The following CNTNAP5 variants were observed in gnomAD, a reference collection of about 807,000 sequenced individuals.
CNTNAP5 encodes the protein contactin associated protein family member 5, also known as contactin-associated protein-like 5.
CNTNAP5 carries 72 observed loss-of-function variants against 150.2 expected under a neutral mutation model. The ratio of observed to expected loss-of-function variants is 0.48; its 90% CI spans 0.40 to 0.58. The LOEUF (loss-of-function observed/expected upper bound fraction) is 0.58. Among genes scored for constraint, CNTNAP5 ranks in the 20% least tolerant of loss-of-function variants. CNTNAP5 has a pLI of 0.00. For synonymous variants in CNTNAP5, 672 were observed against 619.8 expected (o/e 1.08, Z -1.25); for missense variants, 1,636 against 1,626.2 (o/e 1.01, Z -0.10).
chr2:124,487,575 A>G (rs897660772), intron 7 of CNTNAP5, among the ~76,000 whole-genome samples: 12 of 152,004 alleles, frequency 7.9e-5, no homozygotes, highest in Non-Finnish European at 1.6e-4. Context: ...TAAATGGAAG[A>G]TCCAGCAGCC....
chr2:124,593,405 G>A (rs373375098), intron 11 of CNTNAP5, among the ~76,000 whole-genome samples: 27,147 of 87,908 alleles, frequency 0.31, 4,170 homozygotes, highest in East Asian at 0.7. Context: ...TTGTTCTTGC[G>A]ATAGTTTACT....
intron 17 of CNTNAP5, among the ~76,000 whole-genome samples, chr2:124,784,348 G>C (rs1376656933): frequency 6.6e-6 from 1 of 152,102 alleles, no homozygotes; most frequent in Non-Finnish European, 1.5e-5. Context: ...GCTCAAGGAG[G>C]GTAAAAGGAA....
At chr2:124,033,566 C>T (rs890542393) in intron 1 of CNTNAP5, among the ~76,000 whole-genome samples, 12 of 152,106 alleles carry the variant, frequency 7.9e-5, no homozygotes, top group Admixed American at 2.6e-4. Context: ...TTCAGATGTA[C>T]GATAAAAGGG....
intron 19 of CNTNAP5, among the ~76,000 whole-genome samples, chr2:124,855,486 T>A (rs1025381438): frequency 8.5e-5 from 13 of 152,194 alleles, no homozygotes; most frequent in African/African-American, 3.1e-4. Flanking sequence ...TCGGAGTTTT[T>A]TAGGCACTAG....
At chr2:124,677,772 G>A (rs1052841143) in intron 13 of CNTNAP5, among the ~76,000 whole-genome samples, 3 of 151,806 alleles carry the variant, frequency 2.0e-5, no homozygotes, top group Admixed American at 1.3e-4. Context: ...TAGACACAGA[G>A]TGCTGATTGG....
intron 3 of CNTNAP5, among the ~76,000 whole-genome samples, chr2:124,289,998 T>A (rs1418969879): frequency 1.3e-5 from 2 of 152,204 alleles, no homozygotes; most frequent in Non-Finnish European, 2.9e-5. Context: ...TGTCACATTT[T>A]AAAATGTGCA....
chr2:124,562,268 G>A (rs1290840207), intron 10 of CNTNAP5, among the ~76,000 whole-genome samples: 2 of 152,022 alleles, frequency 1.3e-5, no homozygotes, highest in African/African-American at 2.4e-5. Context: ...TTCATGCTTC[G>A]TATCTTAAAC....
chr2:124,656,303 T>C (rs772489101), intron 13 of CNTNAP5, among the ~76,000 whole-genome samples: 1 of 152,180 alleles, frequency 6.6e-6, no homozygotes, highest in Non-Finnish European at 1.5e-5. Flanking sequence ...TCTAAGTCAG[T>C]TATAATTCAT....
intron 3 of CNTNAP5, among the ~76,000 whole-genome samples, chr2:124,412,505 T>C (rs1389453910): frequency 2.6e-3 from 392 of 150,878 alleles, no homozygotes; most frequent in African/African-American, 8.4e-3. Context: ...GTAACCAAAA[T>C]AGCATGGTAC....
At chr2:124,216,853 T>A (rs1256347093) in intron 1 of CNTNAP5, among the ~76,000 whole-genome samples, 1 of 152,216 alleles carries the variant, frequency 6.6e-6, no homozygotes, top group African/African-American at 2.4e-5. Context: ...TAAACATACG[T>A]GTGCATGTGT....
chr2:124,812,111 A>G (rs1435786117), intron 19 of CNTNAP5, among the ~76,000 whole-genome samples: 1 of 97,236 alleles, frequency 1.0e-5, no homozygotes, highest in Non-Finnish European at 2.0e-5. Context: ...TTATATTTAT[A>G]TATTATATAA....
chr2:124,071,561 A>G (rs1682304950), intron 1 of CNTNAP5, among the ~76,000 whole-genome samples: 1 of 151,980 alleles, frequency 6.6e-6, no homozygotes, highest in Admixed American at 6.6e-5. Flanking sequence ...ATTAGTGGCT[A>G]CTATGAGCAT....
chr2:124,718,443 G>A (rs1373365857), intron 13 of CNTNAP5, among the ~76,000 whole-genome samples: 3 of 152,024 alleles, frequency 2.0e-5, no homozygotes, highest in African/African-American at 7.3e-5. Context: ...TCTCTTCTGT[G>A]GCATTTTGTA....
intron 1 of CNTNAP5, among the ~76,000 whole-genome samples, chr2:124,043,864 CT>C (rs1681457337): frequency 6.6e-6 from 1 of 152,144 alleles, no homozygotes. Context: ...AGTCTCTTTA[CT>C]TTTTTCAGGG....
intron 12 of CNTNAP5, among the ~76,000 whole-genome samples, chr2:124,628,892 G>A (rs1483485343): frequency 5.3e-5 from 8 of 151,996 alleles, no homozygotes; most frequent in African/African-American, 1.9e-4. Context: ...ACGGAAAGCA[G>A]AAAAAAGCAG....
At chr2:124,808,960 A>T (rs1452342658) in intron 19 of CNTNAP5, among the ~76,000 whole-genome samples, 3 of 152,068 alleles carry the variant, frequency 2.0e-5, no homozygotes, top group Non-Finnish European at 4.4e-5. Context: ...CCCTGTTCCC[A>T]GAGCTCTTAT....
At chr2:124,145,811 T>TAAAAA (rs761766577) in intron 1 of CNTNAP5, among the ~76,000 whole-genome samples, 1 of 12,790 alleles carries the variant, frequency 7.8e-5, no homozygotes, top group Non-Finnish European at 1.4e-4. Context: ...AAAAAAAACA[T>TAAAAA]TAAAAAAAAA....
intron 13 of CNTNAP5, among the ~76,000 whole-genome samples, chr2:124,742,450 G>A (rs968927980): frequency 6.6e-6 from 1 of 152,104 alleles, no homozygotes; most frequent in Non-Finnish European, 1.5e-5. Flanking sequence ...GGGGTAGGGA[G>A]ATCCTGAGAA....
intron 3 of CNTNAP5, among the ~76,000 whole-genome samples, chr2:124,307,882 G>T (rs1043326315): frequency 2.6e-5 from 4 of 152,122 alleles, no homozygotes; most frequent in Admixed American, 6.6e-5. Flanking sequence ...CAGCTGATTA[G>T]AAATGCCAAA....
Sources: gnomAD v4.1 joint callset for allele counts (sites outside exome capture counted in the v4.1 genomes callset) on GRCh38, gnomAD v4.1.1 for gene constraint, MANE v1.5 for transcripts, NCBI Gene and HGNC (gene_info 2026-07-23, HGNC 2026-07-21) for gene names.